The following SPIDR variants were observed in gnomAD, a reference collection of about 807,000 sequenced individuals.
The protein encoded by SPIDR is DNA repair-scaffolding protein.
SPIDR carries 93 observed loss-of-function variants against 104.6 expected under a neutral mutation model. The ratio of observed to expected loss-of-function variants is 0.89; its 90% CI spans 0.75 to 1.06. SPIDR has a LOEUF of 1.06. Among genes scored for constraint, SPIDR ranks in the 50% least tolerant of loss-of-function variants. The pLI, the probability that SPIDR is intolerant of heterozygous loss-of-function variation, is 0.00. For missense variants in SPIDR, 1,154 were observed against 1,111.2 expected, an observed-to-expected ratio of 1.04 and a Z score of -0.55; for synonymous variants, 431 against 416.9, an observed-to-expected ratio of 1.03 and a Z score of -0.41.
chr8:47,592,864 C>T (rs1409821845), intron 8 of SPIDR, among the ~76,000 whole-genome samples: 1 of 152,102 alleles, frequency 6.6e-6, no homozygotes, highest in Non-Finnish European at 1.5e-5. Context: ...TTTCTTCCCA[C>T]AGGTCCTTGG....
chr8:47,398,764 G>C (rs1029084622), intron 6 of SPIDR, among the ~76,000 whole-genome samples: 1 of 152,194 alleles, frequency 6.6e-6, no homozygotes, highest in African/African-American at 2.4e-5. Flanking sequence ...CCAGTGCTGG[G>C]CGAGAGGAGA....
At chr8:47,522,534 G>A (rs970380277) in intron 8 of SPIDR, among the ~76,000 whole-genome samples, 5 of 152,082 alleles carry the variant, frequency 3.3e-5, no homozygotes, top group Admixed American at 1.3e-4. Context: ...TCTATGTCCC[G>A]GTTACCAGCA....
chr8:47,275,510 A>G (rs1334753460), intron 1 of SPIDR, among the ~76,000 whole-genome samples: 2 of 152,170 alleles, frequency 1.3e-5, no homozygotes, highest in South Asian at 2.1e-4. Context: ...CAGATTATGT[A>G]TTCTTATGTG....
At chr8:47,440,962 A>G (rs540638555) in intron 8 of SPIDR, among the ~76,000 whole-genome samples, 1 of 152,236 alleles carries the variant, frequency 6.6e-6, no homozygotes, top group South Asian at 2.1e-4. Flanking sequence ...TTTGAATTGC[A>G]GGAGCAAAAA....
At chr8:47,278,096 C>CTTTTTTTT (rs71225674) in intron 1 of SPIDR, among the ~76,000 whole-genome samples, 1 of 137,268 alleles carries the variant, frequency 7.3e-6, no homozygotes, top group African/African-American at 2.7e-5. Flanking sequence ...TTTTCTTTCT[C>CTTTTTTTT]TTTTTTTTTT....
Position 47,703,136 on chromosome 8 carries a change from C to T in SPIDR, c.1977+1121C>T, listed in dbSNP as rs373229148. 5.9e-5 allele frequency among the ~76,000 whole-genome samples: 9 copies of T among 152,316 alleles called. No individual in the cohort carries two copies. The South Asian group carries it at 1.0e-3, about 18-fold the overall frequency. ...ACCCAGACCTCATGCCATTTCACCC[C>T]GACACGCTTGTTAGGAATCTCTTCA... On this transcript the variant is annotated intron_variant, in intron 14 of 19. Coordinates refer to ENST00000297423, the MANE Select transcript of SPIDR (RefSeq NM_001080394.4).
intron 10 of SPIDR, among the ~76,000 whole-genome samples, chr8:47,662,421 C>T (rs2074264440): frequency 6.6e-6 from 1 of 152,168 alleles, no homozygotes; most frequent in African/African-American, 2.4e-5. Context: ...AAACTTTTAA[C>T]ACTATATAAA....
At chr8:47,589,713 C>T (rs770559546) in intron 8 of SPIDR, among the ~76,000 whole-genome samples, 6 of 152,084 alleles carry the variant, frequency 3.9e-5, no homozygotes, top group African/African-American at 1.2e-4. Context: ...GTGATATGTA[C>T]AGGGCCTGTA....
chr8:47,392,542 C>T (rs1483731012), intron 5 of SPIDR, among the ~76,000 whole-genome samples: 4 of 152,214 alleles, frequency 2.6e-5, no homozygotes, highest in Admixed American at 6.5e-5. Flanking sequence ...AGCTAATTCT[C>T]ACTGAGGAAG....
chr8:47,600,366 A>G (rs1388427248), intron 10 of SPIDR, among the ~76,000 whole-genome samples: 4 of 152,046 alleles, frequency 2.6e-5, no homozygotes, highest in Admixed American at 2.6e-4. Context: ...TATAAAGACA[A>G]TGCAATCATC....
intron 10 of SPIDR, among the ~76,000 whole-genome samples, chr8:47,623,464 C>G (rs193101524): frequency 7.0e-4 from 107 of 152,132 alleles, no homozygotes; most frequent in Middle Eastern, 3.4e-3. Flanking sequence ...GAGTCAAGAC[C>G]CATCAGTGTG....
At chr8:47,395,298 G>A (rs902202500) in intron 5 of SPIDR, among the ~76,000 whole-genome samples, 1 of 152,106 alleles carries the variant, frequency 6.6e-6, no homozygotes, top group Non-Finnish European at 1.5e-5. Flanking sequence ...GCAATGAGCC[G>A]AGATCATGCC....
intron 16 of SPIDR, among the ~76,000 whole-genome samples, chr8:47,717,827 G>A (rs1399857894): frequency 6.6e-6 from 1 of 152,210 alleles, no homozygotes; most frequent in East Asian, 1.9e-4. Flanking sequence ...AGCAAATTTA[G>A]GTGTTCTAGA....
At chr8:47,556,894 G>A (rs183466465) in intron 8 of SPIDR, among the ~76,000 whole-genome samples, 19 of 152,192 alleles carry the variant, frequency 1.2e-4, no homozygotes, top group East Asian at 5.8e-4. Flanking sequence ...ATGAACCACC[G>A]CGCCCAGCCA....
intron 8 of SPIDR, among the ~76,000 whole-genome samples, chr8:47,499,839 G>A (rs2080083539): frequency 6.6e-6 from 1 of 151,242 alleles, no homozygotes; most frequent in Admixed American, 6.6e-5. Flanking sequence ...TCCCCTTCCT[G>A]TGTCCATGTG....
rs896359298 is a variant in SPIDR at position 47,380,646 on chromosome 8, T to C, written c.526-15730T>C. On this transcript the variant is annotated intron_variant, in intron 5 of 19. Transcript: ENST00000297423. ...GAGGGGGCTTCTGTAAGCCAGTCCA[T>C]AGGTTTGAGTTAAGTTCTCTCCTTC... Among the ~76,000 whole-genome samples, 5 of 152,086 alleles carry C rather than the reference T, an allele frequency of 3.3e-5. No individual in the cohort carries two copies. The South Asian group carries it at 6.2e-4, about 19-fold the overall frequency.
chr8:47,269,948 T>C (rs113407395), intron 1 of SPIDR, among the ~76,000 whole-genome samples: 4 of 152,240 alleles, frequency 2.6e-5, no homozygotes, highest in Non-Finnish European at 5.9e-5. Flanking sequence ...TTTGTTAATA[T>C]ATGACATTGA....
intron 8 of SPIDR, chr8:47,512,271 G>C (rs890609318): frequency 3.8e-6 from 1 of 263,150 alleles, no homozygotes; most frequent in Non-Finnish European, 7.3e-6. Context: ...GTTTAATAGA[G>C]GGGGATGTGC....
intron 10 of SPIDR, among the ~76,000 whole-genome samples, chr8:47,620,048 C>T (rs1256411132): frequency 2.0e-5 from 3 of 152,160 alleles, no homozygotes; most frequent in Non-Finnish European, 2.9e-5. Context: ...TGTATTCATA[C>T]ACATGCATGT....
Sources: allele counts gnomAD v4.1 joint callset (sites outside exome capture counted in the v4.1 genomes callset), GRCh38; gene constraint gnomAD v4.1.1; transcripts MANE v1.5; gene names NCBI Gene and HGNC (gene_info 2026-07-23, HGNC 2026-07-21).